GALNT13: variants seen among roughly 807,000 people sequenced by gnomAD.
GALNT13 encodes UDP-GalNAc:polypeptide N-acetylgalactosaminyltransferase 13.
Under a neutral mutation model 64.2 loss-of-function variants are expected in GALNT13, and 28 were observed. That is an observed-to-expected ratio of 0.44 (90% CI 0.32 to 0.60). GALNT13 has a LOEUF of 0.60. GALNT13 is among the 20% of genes least tolerant of loss of function. GALNT13 has a pLI of 0.05. For missense variants in GALNT13, 577 were observed against 669.8 expected (o/e 0.86, Z 1.53); for synonymous variants, 214 against 224.6 (o/e 0.95, Z 0.42).
At chr2:154,182,634 A>G (rs575354248) in intron 4 of GALNT13, among the ~76,000 whole-genome samples, 1 of 148,482 alleles carries the variant, frequency 6.7e-6, no homozygotes, top group African/African-American at 2.4e-5. Context: ...TATTTATTAT[A>G]TGGTATATAA....
intron 4 of GALNT13, among the ~76,000 whole-genome samples, chr2:154,153,262 G>A (rs7602009): frequency 0.13 from 19,812 of 152,112 alleles, 1,430 homozygotes; most frequent in South Asian, 0.21. Flanking sequence ...CATGAACCGC[G>A]AATGCTGCTG....
At chr2:153,653,879 A>C in the GALNT13 span, among the ~76,000 whole-genome samples, 11 of 152,324 alleles carry the variant, frequency 7.2e-5, no homozygotes, top group Admixed American at 7.2e-4. Context: ...TAGAATAGAA[A>C]AATTATTTTT....
At chr2:154,024,724 C>T (rs933821856) in intron 3 of GALNT13, among the ~76,000 whole-genome samples, 1 of 152,234 alleles carries the variant, frequency 6.6e-6, no homozygotes, top group Non-Finnish European at 1.5e-5. Context: ...AGCTTTGTTC[C>T]GTTGCTGGTG....
the GALNT13 span, among the ~76,000 whole-genome samples, chr2:153,342,023 T>C: frequency 6.6e-6 from 1 of 152,188 alleles, no homozygotes; most frequent in East Asian, 1.9e-4. Context: ...CTTTAACCTG[T>C]CTGGGTAAGA....
chr2:154,293,938 T>C (rs372342292), intron 8 of GALNT13, among the ~76,000 whole-genome samples: 32 of 152,368 alleles, frequency 2.1e-4, no homozygotes, highest in African/African-American at 7.0e-4. Flanking sequence ...TAGCTTAGTA[T>C]TACTATGAGT....
At chr2:153,703,278 T>C in the GALNT13 span, among the ~76,000 whole-genome samples, 1 of 152,198 alleles carries the variant, frequency 6.6e-6, no homozygotes, top group East Asian at 1.9e-4. Flanking sequence ...ATAATCTTAA[T>C]TTTTTAATTT....
At chr2:154,399,242 A>G (rs1275732454) in intron 10 of GALNT13, among the ~76,000 whole-genome samples, 7 of 152,028 alleles carry the variant, frequency 4.6e-5, no homozygotes, top group Non-Finnish European at 8.8e-5. Context: ...CATAGTGAGA[A>G]CCCATCTCTA....
At chr2:153,950,649 C>G (rs921065482) in intron 3 of GALNT13, among the ~76,000 whole-genome samples, 1 of 151,954 alleles carries the variant, frequency 6.6e-6, no homozygotes, top group Non-Finnish European at 1.5e-5. Flanking sequence ...GAAAATAATC[C>G]ATAGATCTAT....
the GALNT13 span, among the ~76,000 whole-genome samples, chr2:153,649,704 G>A: frequency 3.3e-5 from 5 of 152,090 alleles, no homozygotes; most frequent in African/African-American, 9.7e-5. Context: ...CTTTATTTCT[G>A]CCTTCATTTC....
chr2:153,445,660 G>A, the GALNT13 span, among the ~76,000 whole-genome samples: 1 of 152,104 alleles, frequency 6.6e-6, no homozygotes, highest in South Asian at 2.1e-4. Flanking sequence ...CTACAGGTGT[G>A]AGCCACCATG....
At chr2:153,988,272 T>C (rs7575630) in intron 3 of GALNT13, among the ~76,000 whole-genome samples, 87,718 of 151,450 alleles carry the variant, frequency 0.58, 26,995 homozygotes, top group East Asian at 0.96. Context: ...AAACTTATTC[T>C]TCTTGTCAGA....
intron 8 of GALNT13, among the ~76,000 whole-genome samples, chr2:154,293,655 T>TA (rs1347323250): frequency 6.6e-6 from 1 of 152,156 alleles, no homozygotes; most frequent in Non-Finnish European, 1.5e-5. Flanking sequence ...CAAGTATACA[T>TA]AGCATGTGAC....
chr2:153,644,087 T>A, the GALNT13 span, among the ~76,000 whole-genome samples: 4 of 151,900 alleles, frequency 2.6e-5, no homozygotes, highest in Non-Finnish European at 5.9e-5. Flanking sequence ...GTAAAAAAAC[T>A]ATGAGGAATA....
chr2:154,436,477 T>G (rs1460776674), intron 11 of GALNT13: 1 of 152,354 alleles, frequency 6.6e-6, no homozygotes, highest in East Asian at 1.9e-4. Context: ...TGATGTTTCC[T>G]TTTACACTGG....
chr2:153,564,150 CT>C, the GALNT13 span, among the ~76,000 whole-genome samples: 1 of 151,776 alleles, frequency 6.6e-6, no homozygotes, highest in East Asian at 1.9e-4. Context: ...AGTTGATGGG[CT>C]ATTTCGTCAC....
chr2:153,190,383 A>G, the GALNT13 span, among the ~76,000 whole-genome samples: 2 of 152,108 alleles, frequency 1.3e-5, no homozygotes, highest in East Asian at 1.9e-4. Flanking sequence ...TCAAAAATCA[A>G]TTGGCTTTCA....
At chr2:153,300,507 T>C in the GALNT13 span, among the ~76,000 whole-genome samples, 1 of 152,216 alleles carries the variant, frequency 6.6e-6, no homozygotes, top group African/African-American at 2.4e-5. Context: ...GAGGACTATG[T>C]ATTTGGAGCC....
At chr2:153,795,876 C>A in the GALNT13 span, among the ~76,000 whole-genome samples, 1 of 152,286 alleles carries the variant, frequency 6.6e-6, no homozygotes. Flanking sequence ...TTCACTTAAG[C>A]TATCTGTGGC....
chr2:153,907,751 T>G (rs1688676373), intron 2 of GALNT13, among the ~76,000 whole-genome samples: 1 of 152,118 alleles, frequency 6.6e-6, no homozygotes, highest in African/African-American at 2.4e-5. Context: ...TTTGTGTGTG[T>G]GGCTGTATAG....
Sources: gnomAD v4.1 joint callset for allele counts (sites outside exome capture counted in the v4.1 genomes callset) on GRCh38, gnomAD v4.1.1 for gene constraint, MANE v1.5 for transcripts, NCBI Gene and HGNC (gene_info 2026-07-23, HGNC 2026-07-21) for gene names.